Variants in NAALADL2 observed in about 807,000 individuals in gnomAD.
NAALADL2 encodes N-acetylated alpha-linked acidic dipeptidase like 2, also known as inactive N-acetylated-alpha-linked acidic dipeptidase-like protein 2.
NAALADL2 carries 76 observed loss-of-function variants against 87.2 expected under a neutral mutation model. That is an observed-to-expected ratio of 0.87 (90% CI 0.72 to 1.05). NAALADL2 has a LOEUF of 1.05. Among genes scored for constraint, NAALADL2 ranks in the 50% least tolerant of loss-of-function variants. The pLI is 0.00. For synonymous variants in NAALADL2, 354 were observed against 331.0 expected (o/e 1.07, Z -0.75); for missense variants, 1,089 against 945.8 (o/e 1.15, Z -1.99).
chr3:174,535,632 A>G (rs1415001907), intron 1 of NAALADL2, among the ~76,000 whole-genome samples: 5 of 152,160 alleles, frequency 3.3e-5, no homozygotes, highest in Admixed American at 3.3e-4. Flanking sequence ...ATTACTTTAC[A>G]GATAAGGAAA....
chr3:175,750,392 C>G (rs1553764310), intron 12 of NAALADL2, among the ~76,000 whole-genome samples: 3 of 152,134 alleles, frequency 2.0e-5, no homozygotes, highest in Non-Finnish European at 4.4e-5. Flanking sequence ...ACATTTCTCT[C>G]TCTCTTCTTC....
intron 11 of NAALADL2, among the ~76,000 whole-genome samples, chr3:175,697,678 T>C (rs1024030647): frequency 1.3e-5 from 2 of 150,830 alleles, no homozygotes; most frequent in Non-Finnish European, 3.0e-5. Flanking sequence ...CAAAGTTAAG[T>C]GTTCAACTGA....
chr3:175,516,355 G>A (rs901977434), intron 9 of NAALADL2, among the ~76,000 whole-genome samples: 1 of 152,200 alleles, frequency 6.6e-6, no homozygotes, highest in Non-Finnish European at 1.5e-5. Context: ...TATTGTCTTA[G>A]GAGTAGAGAA....
At chr3:174,727,813 G>A (rs190320863) in intron 2 of NAALADL2, among the ~76,000 whole-genome samples, 7 of 152,106 alleles carry the variant, frequency 4.6e-5, no homozygotes, top group Non-Finnish European at 7.4e-5. Context: ...GGCACATATC[G>A]ACCATTAGAG....
chr3:174,732,094 A>T (rs530950507), intron 2 of NAALADL2, among the ~76,000 whole-genome samples: 1 of 152,168 alleles, frequency 6.6e-6, no homozygotes, highest in African/African-American at 2.4e-5. Flanking sequence ...GATCTAATTC[A>T]TCAGTAAGAG....
chr3:174,898,350 G>A (rs1385030401), intron 1 of NAALADL2, among the ~76,000 whole-genome samples: 4 of 151,204 alleles, frequency 2.6e-5, no homozygotes, highest in East Asian at 1.9e-4. Flanking sequence ...GGGGTTAGGA[G>A]GAGGGTAGAT....
chr3:175,501,527 A>G (rs1729547321), intron 9 of NAALADL2, among the ~76,000 whole-genome samples: 1 of 151,924 alleles, frequency 6.6e-6, no homozygotes, highest in Non-Finnish European at 1.5e-5. Context: ...CCATTTTAAT[A>G]CCTTGGACTG....
At chr3:174,525,336 C>T (rs867235924) in intron 1 of NAALADL2, among the ~76,000 whole-genome samples, 12 of 152,174 alleles carry the variant, frequency 7.9e-5, no homozygotes, top group Admixed American at 4.6e-4. Context: ...GCAGGCTGTA[C>T]GGGAAGCATG....
At chr3:175,369,220 T>C (rs1158935477) in intron 5 of NAALADL2, among the ~76,000 whole-genome samples, 1 of 152,152 alleles carries the variant, frequency 6.6e-6, no homozygotes, top group Non-Finnish European at 1.5e-5. Flanking sequence ...ACTGTATATA[T>C]ATGTAGCAAG....
At chr3:175,674,550 C>A (rs1734498795) in intron 11 of NAALADL2, among the ~76,000 whole-genome samples, 1 of 152,108 alleles carries the variant, frequency 6.6e-6, no homozygotes, top group African/African-American at 2.4e-5. Context: ...AGGCCTGAGC[C>A]ACCGTGCCCG....
chr3:174,578,366 A>G (rs1490949348), intron 2 of NAALADL2, among the ~76,000 whole-genome samples: 2 of 151,954 alleles, frequency 1.3e-5, no homozygotes, highest in Admixed American at 6.6e-5. Flanking sequence ...GTAAAGAGAA[A>G]ATATTGAAAA....
intron 4 of NAALADL2, among the ~76,000 whole-genome samples, chr3:175,300,637 C>T (rs1204438311): frequency 6.6e-6 from 1 of 151,602 alleles, no homozygotes; most frequent in Non-Finnish European, 1.5e-5. Flanking sequence ...GGTGATCCCC[C>T]CTTTATCATA....
At chr3:174,750,833 G>A (rs995720981) in intron 3 of NAALADL2, among the ~76,000 whole-genome samples, 2 of 152,088 alleles carry the variant, frequency 1.3e-5, no homozygotes, top group African/African-American at 2.4e-5. Flanking sequence ...AGCAAGTTGG[G>A]AGCTTAGAGA....
At chr3:174,955,655 A>G (rs1323243526) in intron 1 of NAALADL2, among the ~76,000 whole-genome samples, 2 of 152,122 alleles carry the variant, frequency 1.3e-5, no homozygotes, top group African/African-American at 2.4e-5. Context: ...AAAGACAAAT[A>G]GAGATATCAG....
At chr3:175,596,625 A>G (rs552086047) in intron 10 of NAALADL2, among the ~76,000 whole-genome samples, 2 of 152,062 alleles carry the variant, frequency 1.3e-5, no homozygotes, top group South Asian at 4.1e-4. Flanking sequence ...TCTGCTCTCC[A>G]GTAACATGGC....
chr3:175,605,396 A>G (rs1348840285), intron 10 of NAALADL2, among the ~76,000 whole-genome samples: 2 of 152,156 alleles, frequency 1.3e-5, no homozygotes, highest in Non-Finnish European at 2.9e-5. Context: ...AAGATATTGC[A>G]GTGCATCAGC....
chr3:175,082,965 T>A (rs982889773), intron 1 of NAALADL2, among the ~76,000 whole-genome samples: 1 of 152,196 alleles, frequency 6.6e-6, no homozygotes. Context: ...GAGAGTTGGA[T>A]TAATTTTCTC....
At chr3:174,782,593 G>C (rs566444718) in intron 3 of NAALADL2, among the ~76,000 whole-genome samples, 1 of 152,008 alleles carries the variant, frequency 6.6e-6, no homozygotes, top group South Asian at 2.1e-4. Context: ...AGTCCGTTCT[G>C]ACGCTGCTGT....
At chr3:175,043,361 C>T (rs1281421396) in intron 1 of NAALADL2, among the ~76,000 whole-genome samples, 4 of 152,092 alleles carry the variant, frequency 2.6e-5, no homozygotes, top group Admixed American at 6.6e-5. Flanking sequence ...GCCTCAGCCT[C>T]GTAAGTAGCT....
Sources: gnomAD v4.1 joint callset for allele counts (sites outside exome capture counted in the v4.1 genomes callset) on GRCh38, gnomAD v4.1.1 for gene constraint, MANE v1.5 for transcripts, NCBI Gene and HGNC (gene_info 2026-07-23, HGNC 2026-07-21) for gene names.